MTSS1: variants seen among roughly 807,000 people sequenced by gnomAD.
The protein encoded by MTSS1 is MTSS I-BAR domain containing 1.
MTSS1 carries 18 observed loss-of-function variants against 79.0 expected under a neutral mutation model. The observed-to-expected ratio is 0.23, with a 90% CI of 0.16 to 0.34. The LOEUF is 0.34. Ranked by LOEUF, MTSS1 falls within the 10% of genes least tolerant of loss-of-function variation. The pLI is 1.00. For synonymous variants in MTSS1, 341 were observed against 368.6 expected (o/e 0.93, Z 0.86); for missense variants, 815 against 986.2 (o/e 0.83, Z 2.33).
rs1249731951 is a variant in MTSS1, at chr8:124,597,194, G to C, written c.209-5959C>G. ...AAAATGGTGCAGGGAACACTGTCCTGACAGCAACCCTCTGTGGTAGGCATT... is the reference window on the plus strand; with the variant it reads ...AAAATGGTGCAGGGAACACTGTCCTCACAGCAACCCTCTGTGGTAGGCATT... On this transcript the variant is annotated intron_variant, in intron 3 of 13. Coordinates refer to ENST00000518547, the MANE Select transcript of MTSS1 (RefSeq NM_014751.6). This position sits in a 1 kb window ranked among gnomAD's most constrained non-coding sequence, Gnocchi z 4.6. 6.6e-6 allele frequency among the ~76,000 whole-genome samples: 1 copy of C among 152,146 alleles called. No individual in the cohort carries two copies. Among genetic ancestry groups the C allele is most frequent in the East Asian group, 1.9e-4 (1 of 5,186 alleles).
At chr8:124,716,921 A>T (rs188026309) in intron 1 of MTSS1, among the ~76,000 whole-genome samples, 10 of 152,236 alleles carry the variant, frequency 6.6e-5, no homozygotes, top group African/African-American at 2.2e-4. Context: ...CCAAGGATAA[A>T]AAGTCCTTCG....
chr8:124,723,090 T>G (rs577282416), intron 1 of MTSS1, among the ~76,000 whole-genome samples: 1 of 152,222 alleles, frequency 6.6e-6, no homozygotes, highest in Admixed American at 6.5e-5. Flanking sequence ...TCCTTTTCCC[T>G]GTGGCTGAGG....
At chr8:124,580,426 A>T in intron 6 of MTSS1, 1 of 990,112 alleles carries the variant, frequency 1.0e-6, no homozygotes, top group South Asian at 1.4e-5. Flanking sequence ...TTAGGTAGGC[A>T]CAGTTGATTG....
intron 3 of MTSS1, among the ~76,000 whole-genome samples, chr8:124,635,691 AAGATCTAGT>A (rs1816846804): frequency 6.6e-6 from 1 of 152,170 alleles, no homozygotes; most frequent in South Asian, 2.1e-4. Context: ...ATAGCACTGC[AAGATCTAGT>A]AGACAACGGG....
At chr8:124,639,730 C>T (rs1162268749) in intron 3 of MTSS1, among the ~76,000 whole-genome samples, 1 of 152,204 alleles carries the variant, frequency 6.6e-6, no homozygotes, top group East Asian at 1.9e-4. Context: ...TCCCAAAGTG[C>T]TGGGATTACA....
intron 3 of MTSS1, among the ~76,000 whole-genome samples, chr8:124,607,390 C>T (rs144902451): frequency 6.6e-6 from 1 of 152,346 alleles, no homozygotes; most frequent in East Asian, 1.9e-4. Flanking sequence ...CTCCTCCTCT[C>T]TATCTCTTCA....
chr8:124,580,422 A>C, intron 6 of MTSS1: 1 of 937,706 alleles, frequency 1.1e-6, no homozygotes, highest in Non-Finnish European at 1.6e-6. Context: ...AAAATTAGGT[A>C]GGCACAGTTG....
chr8:124,694,450 AG>A (rs1273157829), intron 3 of MTSS1, among the ~76,000 whole-genome samples: 2 of 151,986 alleles, frequency 1.3e-5, no homozygotes, highest in Admixed American at 1.3e-4. Context: ...AATGGATCCC[AG>A]GCAGACTAGA....
intron 3 of MTSS1, 129 bp from the exon 4 acceptor site, chr8:124,591,364 T>C (rs192059829): frequency 4.0e-5 from 29 of 729,120 alleles, no homozygotes; most frequent in Non-Finnish European, 4.0e-5. Context: ...TTTAGAAGCT[T>C]CTCACCATGC....
chr8:124,557,292 C>T lies in MTSS1; in HGVS notation c.1230+389G>A, dbSNP rs79978471. On this transcript the variant is annotated intron_variant, in intron 11 of 13. Coordinates refer to ENST00000518547, the MANE Select transcript of MTSS1 (RefSeq NM_014751.6). The stretch of plus-strand genomic sequence containing the variant: ...CCAGAAGGAAAGTCCCCCCTAAACC[C>T]CCTAGAAGCTCTGATCATGCTGACA... 9.0e-3 allele frequency among the ~76,000 whole-genome samples: 1,373 copies of T among 152,296 alleles called. 28 individuals carry two copies. The highest frequency in any genetic ancestry group is 0.032 in the African/African-American group (1,324 of 41,560).
intron 8 of MTSS1, among the ~76,000 whole-genome samples, chr8:124,566,622 T>C (rs1180388606): frequency 6.6e-6 from 1 of 152,146 alleles, no homozygotes; most frequent in Non-Finnish European, 1.5e-5. Context: ...ATGGGAGAAA[T>C]GGAGAATGGT....
In MTSS1 at chr8:124,553,733, T is replaced by A. The variant is rs1035660812; in HGVS notation, c.1568-41A>T. 23 of 1,538,930 alleles carry A rather than the reference T, an allele frequency of 1.5e-5. No individual in the cohort carries two copies. The highest frequency in any genetic ancestry group is 3.6e-5 in the Admixed American group (2 of 55,674). On this transcript the variant is annotated intron_variant, in intron 13 of 13. Coordinates refer to ENST00000518547, the MANE Select transcript of MTSS1 (RefSeq NM_014751.6). The surrounding 1 kb of genome is among the most constrained non-coding windows in gnomAD (Gnocchi z 6.0). ...GATTAGACATATTCAAGACAGCAGC[T>A]GTGCTTTTTTGATTCTTCTGGGCTG... is the stretch of plus-strand genomic sequence containing the variant.
chr8:124,662,485 T>C (rs1322143737), intron 3 of MTSS1, among the ~76,000 whole-genome samples: 1 of 152,128 alleles, frequency 6.6e-6, no homozygotes, highest in African/African-American at 2.4e-5. Flanking sequence ...TCTAACACAG[T>C]GGTTCTCTGT....
At chr8:124,631,034 CAT>C (rs1361118025) in intron 3 of MTSS1, among the ~76,000 whole-genome samples, 3 of 152,154 alleles carry the variant, frequency 2.0e-5, no homozygotes, top group Non-Finnish European at 2.9e-5. Context: ...GAGCCAGAAA[CAT>C]GTGTATAAGA....
intron 1 of MTSS1, among the ~76,000 whole-genome samples, chr8:124,719,433 G>C (rs1419113331): frequency 6.6e-6 from 1 of 152,150 alleles, no homozygotes; most frequent in Non-Finnish European, 1.5e-5. Context: ...ATGGGAATCA[G>C]AGGCCCTCCC....
chr8:124,676,687 A>G (rs1825349410), intron 3 of MTSS1, among the ~76,000 whole-genome samples: 1 of 152,222 alleles, frequency 6.6e-6, no homozygotes, highest in Non-Finnish European at 1.5e-5. Context: ...ATCTTCAAGT[A>G]TCAAGTGAAA....
intron 1 of MTSS1, among the ~76,000 whole-genome samples, chr8:124,719,978 G>A (rs1409903520): frequency 2.0e-5 from 3 of 152,164 alleles, no homozygotes; most frequent in South Asian, 2.1e-4. Context: ...CGCTAGAGCC[G>A]GGCTTCAAAG....
intron 3 of MTSS1, among the ~76,000 whole-genome samples, chr8:124,595,222 C>G (rs1335780659): frequency 6.6e-6 from 1 of 152,160 alleles, no homozygotes; most frequent in African/African-American, 2.4e-5. Flanking sequence ...TATATTGATT[C>G]CTGGTCAGCC....
At chr8:124,699,088 G>A (rs886921346) in intron 3 of MTSS1, 1 of 176,448 alleles carries the variant, frequency 5.7e-6, no homozygotes. Flanking sequence ...AACCCAATGA[G>A]ATCCTTATTT....
Sources: allele counts gnomAD v4.1 joint callset (sites outside exome capture counted in the v4.1 genomes callset), GRCh38; gene constraint gnomAD v4.1.1; non-coding constraint Gnocchi (gnomAD v3.1); transcripts MANE v1.5; gene names NCBI Gene and HGNC (gene_info 2026-07-23, HGNC 2026-07-21).